Variants in LINGO2 observed in about 807,000 individuals in gnomAD.
LINGO2 encodes the protein leucine rich repeat and Ig domain containing 2.
In LINGO2, 14 loss-of-function variants were observed where a neutral mutation model predicts 30.6. The ratio of observed to expected loss-of-function variants is 0.46; its 90% CI spans 0.30 to 0.72. The LOEUF is 0.72. Ranked by LOEUF, LINGO2 falls within the 30% of genes least tolerant of loss-of-function variation. The pLI is 0.07. For synonymous variants in LINGO2, 317 were observed against 288.5 expected (o/e 1.10, Z -1.00); for missense variants, 729 against 751.7 (o/e 0.97, Z 0.35).
intron 3 of LINGO2, among the ~76,000 whole-genome samples, chr9:28,310,020 T>G (rs1284907178): frequency 6.6e-6 from 1 of 152,068 alleles, no homozygotes; most frequent in Non-Finnish European, 1.5e-5. Flanking sequence ...TTGGCAAGGG[T>G]GTGGAGGAAG....
Position 28,472,305 on chromosome 9 carries a change from G to C in LINGO2, c.-279+3635C>G, listed in dbSNP as rs532439283. Among the ~76,000 whole-genome samples the C allele has an allele frequency of 6.7e-5, 10 of 150,050 alleles. No homozygotes were observed. In the South Asian group the frequency reaches 2.1e-3, roughly 32 times the overall value. ...TAAAAAATTACTTCTTATTCCACTAGTGCATTGACTTCAAGTTTTTTTTTT... is the reference window on the plus strand; with the variant it reads ...TAAAAAATTACTTCTTATTCCACTACTGCATTGACTTCAAGTTTTTTTTTT... On this transcript the variant is annotated intron_variant, in intron 2 of 5. Coordinates refer to ENST00000379992, the Ensembl canonical transcript of LINGO2.
In LINGO2 at chr9:28,565,805, C is replaced by T. The variant is rs1420956376; in HGVS notation, c.-364-89780G>A. Among the ~76,000 whole-genome samples the T allele has an allele frequency of 2.6e-5, 4 of 152,060 alleles. No homozygotes were observed. The East Asian group carries it at 5.8e-4, about 22-fold the overall frequency. On this transcript the variant is annotated intron_variant, in intron 1 of 5. Transcript: ENST00000379992. ...TCCTGACCTCGTGATCCACCCGCCTCGGCCTCCCAAAGTGCTGGGATTACA... is the reference window on the plus strand; with the variant it reads ...TCCTGACCTCGTGATCCACCCGCCTTGGCCTCCCAAAGTGCTGGGATTACA...
chr9:28,746,494 G>C, the LINGO2 span, among the ~76,000 whole-genome samples: 1 of 151,892 alleles, frequency 6.6e-6, no homozygotes, highest in Non-Finnish European at 1.5e-5. Flanking sequence ...GCATTTTTAA[G>C]ATTACGTGAA....
chr9:28,088,322 T>C (rs1825973809), intron 4 of LINGO2, among the ~76,000 whole-genome samples: 1 of 151,940 alleles, frequency 6.6e-6, no homozygotes, highest in Admixed American at 6.6e-5. Context: ...GGCAACACAT[T>C]GGACCTGCTT....
At chr9:29,060,965 T>C in the LINGO2 span, among the ~76,000 whole-genome samples, 1 of 151,834 alleles carries the variant, frequency 6.6e-6, no homozygotes, top group Non-Finnish European at 1.5e-5. Context: ...CAGAAAAAAA[T>C]ATTTGAAGAA....
chr9:28,192,836 T>C (rs1346767691), intron 4 of LINGO2, among the ~76,000 whole-genome samples: 3 of 151,832 alleles, frequency 2.0e-5, no homozygotes, highest in Non-Finnish European at 4.4e-5. Flanking sequence ...TTAGGGTCTA[T>C]ATTTTTGAAA....
At chr9:28,792,862 A>AT in the LINGO2 span, among the ~76,000 whole-genome samples, 1 of 152,172 alleles carries the variant, frequency 6.6e-6, no homozygotes, top group Non-Finnish European at 1.5e-5. Context: ...GCTTCTGATA[A>AT]TAAGTTCTTT....
the LINGO2 span, among the ~76,000 whole-genome samples, chr9:29,079,537 C>G: frequency 1.3e-5 from 2 of 151,952 alleles, no homozygotes; most frequent in African/African-American, 4.8e-5. Context: ...TACATACTAG[C>G]TTACCTAAAG....
At chr9:28,381,221 A>G (rs1161899878) in intron 2 of LINGO2, among the ~76,000 whole-genome samples, 2 of 151,982 alleles carry the variant, frequency 1.3e-5, no homozygotes, top group African/African-American at 4.8e-5. Context: ...AAAAAAACAA[A>G]AACAAACAAA....
the LINGO2 span, among the ~76,000 whole-genome samples, chr9:28,793,562 C>T: frequency 4.6e-5 from 7 of 152,258 alleles, no homozygotes; most frequent in African/African-American, 1.7e-4. Context: ...ATGGTAGAGC[C>T]TTATGGTTTG....
chr9:28,863,686 A>G, the LINGO2 span: 1 of 531,724 alleles, frequency 1.9e-6, no homozygotes, highest in Non-Finnish European at 3.9e-6. Flanking sequence ...GGTGATTCAC[A>G]AAGAAATCCA....
At chr9:28,764,974 C>G in the LINGO2 span, among the ~76,000 whole-genome samples, 4 of 151,752 alleles carry the variant, frequency 2.6e-5, no homozygotes, top group African/African-American at 9.7e-5. Flanking sequence ...GAACATTATA[C>G]TTTCATAAAG....
chr9:28,686,635 A>G, the LINGO2 span, among the ~76,000 whole-genome samples: 5 of 152,048 alleles, frequency 3.3e-5, no homozygotes, highest in Non-Finnish European at 1.5e-5. Context: ...TATTTTATTT[A>G]GTTTTTGGTA....
intron 1 of LINGO2, among the ~76,000 whole-genome samples, chr9:28,590,307 G>T (rs990624473): frequency 6.6e-6 from 1 of 152,020 alleles, no homozygotes; most frequent in Admixed American, 6.6e-5. Flanking sequence ...TGACAAATGG[G>T]ATCTAATTAA....
the LINGO2 span, among the ~76,000 whole-genome samples, chr9:28,907,214 T>C: frequency 2.6e-5 from 4 of 151,850 alleles, no homozygotes; most frequent in Non-Finnish European, 4.4e-5. Context: ...ACAAAAGCCA[T>C]AGAAATAGAC....
intron 4 of LINGO2, among the ~76,000 whole-genome samples, chr9:28,136,091 G>A (rs1251015812): frequency 6.6e-6 from 1 of 152,114 alleles, no homozygotes; most frequent in Non-Finnish European, 1.5e-5. Context: ...TCACTTTGTA[G>A]AGTCTGACAG....
At chr9:28,950,946 C>G in the LINGO2 span, among the ~76,000 whole-genome samples, 1 of 151,940 alleles carries the variant, frequency 6.6e-6, no homozygotes, top group Non-Finnish European at 1.5e-5. Context: ...CAATCCTAAG[C>G]AAAAAGAACA....
chr9:28,252,638 T>C lies in LINGO2; in HGVS notation c.-87+42570A>G, dbSNP rs1024963916. On this transcript the variant is annotated intron_variant, in intron 4 of 5. Coordinates refer to ENST00000379992, the Ensembl canonical transcript of LINGO2. ...AGCAATCATATGAAAATATATAGTA[T>C]ATTTACTACATATAAGAATAGTATA... is the stretch of plus-strand genomic sequence containing the variant. Among the ~76,000 whole-genome samples, 8 of 152,020 alleles carry C rather than the reference T, an allele frequency of 5.3e-5. 1 individual carries two copies. The highest frequency in any genetic ancestry group is 1.4e-4 in the African/African-American group (6 of 41,396).
chr9:28,097,257 C>A (rs1206704791), intron 4 of LINGO2, among the ~76,000 whole-genome samples: 1 of 152,142 alleles, frequency 6.6e-6, no homozygotes, highest in Non-Finnish European at 1.5e-5. Context: ...CTAGTTCAAT[C>A]ATCATGGAAG....
Sources: allele counts gnomAD v4.1 joint callset (sites outside exome capture counted in the v4.1 genomes callset), GRCh38; gene constraint gnomAD v4.1.1; transcripts MANE v1.5; gene names NCBI Gene and HGNC (gene_info 2026-07-23, HGNC 2026-07-21).